GPATCH2: variants seen among roughly 807,000 people sequenced by gnomAD.
GPATCH2 encodes the protein G-patch domain containing 2, also known as G patch domain-containing protein 2.
GPATCH2 carries 51 observed loss-of-function variants against 58.0 expected under a neutral mutation model. That is an observed-to-expected ratio of 0.88 (90% confidence interval 0.70 to 1.11). The LOEUF is 1.11. Among genes scored for constraint, GPATCH2 ranks in the 50% most tolerant of loss-of-function variants. The pLI, the probability that GPATCH2 is intolerant of heterozygous loss-of-function variation, is 0.00. For synonymous variants in GPATCH2, 222 were observed against 218.5 expected (o/e 1.02, Z -0.14); for missense variants, 625 against 652.2 (o/e 0.96, Z 0.45).
intron 8 of GPATCH2, among the ~76,000 whole-genome samples, chr1:217,488,699 A>AT (rs1009340035): frequency 1.5e-3 from 216 of 148,896 alleles, no homozygotes; most frequent in African/African-American, 3.4e-3. Context: ...TTAAAAAACT[A>AT]TTTTTTTTTT....
chr1:217,630,680 A>T (rs1669709850), intron 1 of GPATCH2, among the ~76,000 whole-genome samples: 1 of 152,202 alleles, frequency 6.6e-6, no homozygotes, highest in Non-Finnish European at 1.5e-5. Flanking sequence ...TTGACTTCTA[A>T]AATATTGTTA....
intron 6 of GPATCH2, among the ~76,000 whole-genome samples, chr1:217,506,207 G>C (rs1487763867): frequency 6.6e-6 from 1 of 152,152 alleles, no homozygotes; most frequent in African/African-American, 2.4e-5. Context: ...TTATTGTAAA[G>C]AGTTCTTCTG....
rs200475275 is a variant in GPATCH2, at chr1:217,610,979, G to T, written c.928C>A (p.Pro310Thr). Residue 310 changes from proline to threonine, a missense_variant, in exon 4 of 10, where the codon CCT becomes ACT. By Grantham distance (38) the Pro-to-Thr change is conservative. Coordinates refer to ENST00000366935, the MANE Select transcript of GPATCH2 (RefSeq NM_018040.5). ...GGTACATTTTTGTCTAGCTCAGTAGGATCTTCCTTTTCCCACCAGGGCACA... is the reference window on the plus strand; with the variant it reads ...GGTACATTTTTGTCTAGCTCAGTAGTATCTTCCTTTTCCCACCAGGGCACA... ...GVVPWWEKED[P>T]TELDKNVPDP... 60 of 1,612,928 alleles carry T rather than the reference G, an allele frequency of 3.7e-5. No individual in the cohort carries two copies. In the East Asian group the frequency reaches 9.6e-4, roughly 26 times the overall value.
intron 9 of GPATCH2, among the ~76,000 whole-genome samples, chr1:217,439,337 G>A (rs745517086): frequency 5.3e-5 from 8 of 152,096 alleles, no homozygotes; most frequent in Non-Finnish European, 1.2e-4. Flanking sequence ...AAGACACAAC[G>A]TGCCAGAATC....
chr1:217,486,446 A>G (rs1403600531), intron 8 of GPATCH2, among the ~76,000 whole-genome samples: 3 of 151,972 alleles, frequency 2.0e-5, no homozygotes, highest in Non-Finnish European at 4.4e-5. Flanking sequence ...TGTTGCCCAC[A>G]CTGGAGTGCA....
At chr1:217,557,857 T>C (rs2102684800) in intron 5 of GPATCH2, among the ~76,000 whole-genome samples, 1 of 152,308 alleles carries the variant, frequency 6.6e-6, no homozygotes, top group African/African-American at 2.4e-5. Context: ...TCCTAAAACT[T>C]TTCAGTACAT....
At chr1:217,461,234 G>A (rs1356325027) in intron 8 of GPATCH2, among the ~76,000 whole-genome samples, 1 of 152,080 alleles carries the variant, frequency 6.6e-6, no homozygotes, top group Non-Finnish European at 1.5e-5. Flanking sequence ...CCATGTAAAT[G>A]CAAACTTACT....
chr1:217,584,330 T>TTAAAAAA (rs1362638100), intron 5 of GPATCH2, among the ~76,000 whole-genome samples: 1 of 89,786 alleles, frequency 1.1e-5, no homozygotes, highest in African/African-American at 4.1e-5. Context: ...TCACCTCTAC[T>TTAAAAAA]AAAAAAAAAA....
In GPATCH2 at chr1:217,558,684, C is replaced by T. The variant is rs182847618; in HGVS notation, c.1099-43795G>A. On this transcript the variant is annotated intron_variant, in intron 5 of 9. Transcript: ENST00000366935. ...CAAAACAAGGCCTGGAGTGGTGGCT[C>T]GCACCTGTAATCCCAGCACTTTGGG... Among the ~76,000 whole-genome samples, 101 of 152,162 alleles carry T rather than the reference C, an allele frequency of 6.6e-4. 1 individual carries two copies. In the East Asian group the frequency reaches 0.019, roughly 28 times the overall value.
At chr1:217,459,701 T>C (rs965326091) in intron 8 of GPATCH2, among the ~76,000 whole-genome samples, 1 of 152,230 alleles carries the variant, frequency 6.6e-6, no homozygotes, top group Non-Finnish European at 1.5e-5. Flanking sequence ...TTTCCTAGGA[T>C]GCTATGGTTG....
At chr1:217,539,563 C>G (rs1383320597) in intron 5 of GPATCH2, among the ~76,000 whole-genome samples, 1 of 152,196 alleles carries the variant, frequency 6.6e-6, no homozygotes, top group Admixed American at 6.5e-5. Flanking sequence ...CCCTCAGTAG[C>G]AGACCTATGA....
At chr1:217,499,260 C>A (rs575486581) in intron 6 of GPATCH2, among the ~76,000 whole-genome samples, 165 of 152,266 alleles carry the variant, frequency 1.1e-3, no homozygotes, top group African/African-American at 3.9e-3. Flanking sequence ...AACCATAATA[C>A]CAAGTACCTC....
At chr1:217,446,212 A>C (rs1485122620) in intron 9 of GPATCH2, among the ~76,000 whole-genome samples, 2 of 152,158 alleles carry the variant, frequency 1.3e-5, no homozygotes, top group African/African-American at 4.8e-5. Context: ...TGCTGACTAA[A>C]GGCAAAAGAA....
At chr1:217,503,645 A>G (rs1484946535) in intron 6 of GPATCH2, among the ~76,000 whole-genome samples, 2 of 152,126 alleles carry the variant, frequency 1.3e-5, no homozygotes, top group Non-Finnish European at 2.9e-5. Context: ...TAAGATAAAA[A>G]AGCTGAAAGA....
chr1:217,492,406 A>T (rs1234388594), intron 7 of GPATCH2: 3 of 152,214 alleles, frequency 2.0e-5, no homozygotes, highest in African/African-American at 7.2e-5. Context: ...AGAAAAAAAC[A>T]AATAGTCAAT....
At chr1:217,503,690 A>C (rs1361194812) in intron 6 of GPATCH2, among the ~76,000 whole-genome samples, 1 of 152,140 alleles carries the variant, frequency 6.6e-6, no homozygotes, top group Non-Finnish European at 1.5e-5. Flanking sequence ...GTATCATACC[A>C]TTCAAAATTT....
chr1:217,474,516 A>G (rs570331821), intron 8 of GPATCH2, among the ~76,000 whole-genome samples: 1 of 152,336 alleles, frequency 6.6e-6, no homozygotes, highest in South Asian at 2.1e-4. Context: ...GGCATTGGTA[A>G]ATATGTCCCC....
At chr1:217,524,617 G>A (rs1190533908) in intron 5 of GPATCH2, among the ~76,000 whole-genome samples, 1 of 151,648 alleles carries the variant, frequency 6.6e-6, no homozygotes, top group Non-Finnish European at 1.5e-5. Context: ...CCGGCACCTC[G>A]GGAGGCCGAG....
At chr1:217,445,425 G>A (rs1240368460) in intron 9 of GPATCH2, among the ~76,000 whole-genome samples, 4 of 151,988 alleles carry the variant, frequency 2.6e-5, no homozygotes, top group African/African-American at 7.2e-5. Context: ...CATTGCTAAC[G>A]CCTTTTTAAA....
Sources: gnomAD v4.1 joint callset for allele counts (sites outside exome capture counted in the v4.1 genomes callset) on GRCh38, gnomAD v4.1.1 for gene constraint, MANE v1.5 for transcripts, NCBI Gene and HGNC (gene_info 2026-07-23, HGNC 2026-07-21) for gene names.